The following ERC2 variants were observed in gnomAD, a reference collection of about 807,000 sequenced individuals.
ERC2 encodes the protein ELKS/RAB6-interacting/CAST family member 2, also known as ERC protein 2.
Under a neutral mutation model 114.8 loss-of-function variants are expected in ERC2, and 42 were observed. That is an observed-to-expected ratio of 0.37 (90% CI 0.29 to 0.47). The LOEUF is 0.47. Ranked by LOEUF, ERC2 falls within the 20% of genes least tolerant of loss-of-function variation. The probability of loss-of-function intolerance (pLI) is 0.99; values close to 1 mark genes in which losing one functional copy is unlikely to be tolerated. For missense variants in ERC2, 939 were observed against 1,150.7 expected (o/e 0.82, Z 2.66); for synonymous variants, 454 against 425.5 (o/e 1.07, Z -0.82).
At chr3:55,920,166 T>G (rs1466242514) in intron 13 of ERC2, among the ~76,000 whole-genome samples, 1 of 152,050 alleles carries the variant, frequency 6.6e-6, no homozygotes, top group South Asian at 2.1e-4. Flanking sequence ...CAGGATGGAG[T>G]AAAATATTTT....
chr3:56,059,787 A>C (rs973135289), intron 7 of ERC2, among the ~76,000 whole-genome samples: 1 of 152,186 alleles, frequency 6.6e-6, no homozygotes, highest in Non-Finnish European at 1.5e-5. Context: ...CTAGTCTTTT[A>C]TTGTCTTTTA....
At chr3:55,923,157 A>C (rs2065534870) in intron 13 of ERC2, among the ~76,000 whole-genome samples, 2 of 152,176 alleles carry the variant, frequency 1.3e-5, no homozygotes, top group South Asian at 4.1e-4. Flanking sequence ...GAATGAATAA[A>C]CAAAATGTGA....
At chr3:55,882,484 T>G (rs1254972288) in intron 14 of ERC2, among the ~76,000 whole-genome samples, 1 of 152,232 alleles carries the variant, frequency 6.6e-6, no homozygotes, top group Non-Finnish European at 1.5e-5. Flanking sequence ...TCTGTATACA[T>G]AGGTTCCACA....
At chr3:56,058,828 A>G (rs1448603133) in intron 7 of ERC2, among the ~76,000 whole-genome samples, 1 of 152,172 alleles carries the variant, frequency 6.6e-6, no homozygotes, top group East Asian at 1.9e-4. Flanking sequence ...CCATAATCAC[A>G]TGAGCCAATT....
Position 55,519,302 on chromosome 3 carries a change from GA to G in ERC2, c.*40-8027del, listed in dbSNP as rs765812572. On this transcript the variant is annotated intron_variant, in intron 17 of 17. Coordinates refer to ENST00000288221, the MANE Select transcript of ERC2 (RefSeq NM_015576.3). ...AATAGTGATTCCTGAGCTTGCTGAA[GA>G]AACAGTTCTGAAGCTCAGCTCCATG... Among the ~76,000 whole-genome samples the G allele has an allele frequency of 5.9e-5, 9 of 152,316 alleles. No individual in the cohort carries two copies. In the South Asian group the frequency reaches 1.7e-3, roughly 28 times the overall value.
At chr3:55,616,725 T>A (rs1056627181) in intron 17 of ERC2, among the ~76,000 whole-genome samples, 1 of 151,812 alleles carries the variant, frequency 6.6e-6, no homozygotes, top group African/African-American at 2.4e-5. Context: ...ACTAGCTTTG[T>A]CCCTATTTTA....
intron 14 of ERC2, among the ~76,000 whole-genome samples, chr3:55,853,475 C>T (rs537972868): frequency 2.0e-5 from 3 of 152,046 alleles, no homozygotes; most frequent in African/African-American, 7.2e-5. Context: ...CCATGAGTGT[C>T]ATGATTGTGC....
intron 3 of ERC2, among the ~76,000 whole-genome samples, chr3:56,226,480 G>A: frequency 6.6e-6 from 1 of 152,174 alleles, no homozygotes; most frequent in African/African-American, 2.4e-5. Context: ...CCTGAGTCCA[G>A]GAGTTCAAAA....
intron 6 of ERC2, among the ~76,000 whole-genome samples, chr3:56,117,161 G>A (rs1299011701): frequency 6.6e-6 from 1 of 152,216 alleles, no homozygotes; most frequent in Non-Finnish European, 1.5e-5. Flanking sequence ...TACTGCCTAG[G>A]AGGGTAAGAC....
intron 4 of ERC2, among the ~76,000 whole-genome samples, chr3:56,172,090 G>A (rs1190514605): frequency 6.6e-6 from 1 of 150,524 alleles, no homozygotes; most frequent in Non-Finnish European, 1.5e-5. Context: ...GTGAAGTGAG[G>A]ATAAACTCTG....
chr3:56,014,711 C>T (rs990886487), intron 8 of ERC2, among the ~76,000 whole-genome samples: 1 of 151,948 alleles, frequency 6.6e-6, no homozygotes. Flanking sequence ...TAAAATCCTG[C>T]CAAGAATTCA....
At chr3:56,214,461 C>T (rs978413867) in intron 3 of ERC2, among the ~76,000 whole-genome samples, 32 of 152,162 alleles carry the variant, frequency 2.1e-4, no homozygotes, top group East Asian at 7.7e-4. Context: ...TAAAAAGAAA[C>T]GAACAAAGCC....
At chr3:56,246,898 G>A (rs1048736363) in intron 3 of ERC2, among the ~76,000 whole-genome samples, 8 of 152,168 alleles carry the variant, frequency 5.3e-5, no homozygotes, top group Non-Finnish European at 1.0e-4. Flanking sequence ...GGTGTGGCTC[G>A]GCATGGATGG....
chr3:56,242,209 C>T (rs192359167), intron 3 of ERC2, among the ~76,000 whole-genome samples: 3 of 152,166 alleles, frequency 2.0e-5, no homozygotes, highest in Admixed American at 1.3e-4. Flanking sequence ...AGTGAAGTAA[C>T]TCAGGAATGG....
intron 13 of ERC2, among the ~76,000 whole-genome samples, chr3:55,919,672 G>A (rs1342095476): frequency 6.6e-6 from 1 of 152,190 alleles, no homozygotes; most frequent in Non-Finnish European, 1.5e-5. Flanking sequence ...CTGAGACAGT[G>A]AAGAGTGCTA....
intron 7 of ERC2, among the ~76,000 whole-genome samples, chr3:56,025,288 T>G (rs192508634): frequency 6.6e-6 from 1 of 152,312 alleles, no homozygotes; most frequent in East Asian, 1.9e-4. Context: ...TTTTCTACAG[T>G]TGCATAACAA....
intron 14 of ERC2, among the ~76,000 whole-genome samples, chr3:55,789,121 G>C (rs575859134): frequency 1.3e-5 from 2 of 152,316 alleles, no homozygotes; most frequent in South Asian, 4.1e-4. Context: ...CATTGTTCTA[G>C]AGCATTTCAC....
chr3:55,699,232 G>A (rs1576196473), intron 16 of ERC2, 146 bp downstream of exon 16: 1 of 1,031,964 alleles, frequency 9.7e-7, no homozygotes, highest in Non-Finnish European at 1.4e-6. Context: ...TTCCTTGACT[G>A]ATGGAAATAA....
intron 14 of ERC2, among the ~76,000 whole-genome samples, chr3:55,796,334 G>A (rs564165931): frequency 1.3e-5 from 2 of 152,352 alleles, no homozygotes; most frequent in African/African-American, 4.8e-5. Flanking sequence ...GCTCATCAGC[G>A]ATCCAAGACA....
Sources: gnomAD v4.1 joint callset for allele counts (sites outside exome capture counted in the v4.1 genomes callset) on GRCh38, gnomAD v4.1.1 for gene constraint, MANE v1.5 for transcripts, NCBI Gene and HGNC (gene_info 2026-07-23, HGNC 2026-07-21) for gene names.